Variants in GALNT1 observed in about 807,000 individuals in gnomAD.
GALNT1 encodes GalNAc transferase 1.
Under a neutral mutation model 65.7 loss-of-function variants are expected in GALNT1, and 17 were observed. The observed-to-expected ratio is 0.26, with a 90% CI of 0.18 to 0.39. GALNT1 has a LOEUF of 0.39. Among genes scored for constraint, GALNT1 ranks in the 10% least tolerant of loss-of-function variants. The pLI is 1.00. For missense variants in GALNT1, 460 were observed against 672.8 expected (o/e 0.68, Z 3.50); for synonymous variants, 210 against 219.7 (o/e 0.96, Z 0.39).
intron 3 of GALNT1, among the ~76,000 whole-genome samples, chr18:35,671,783 G>T (rs2047640096): frequency 6.6e-6 from 1 of 152,070 alleles, no homozygotes; most frequent in Middle Eastern, 3.2e-3. Flanking sequence ...TATTGTAATT[G>T]TCAAGGTGTA....
rs201020722 is a variant in GALNT1, at chr18:35,660,376, CT to C, written c.140-3248del. Among the ~76,000 whole-genome samples the C allele has an allele frequency of 6.0e-3, 913 of 152,070 alleles. 3 individuals are homozygous for C. The highest frequency in any genetic ancestry group is 0.01 in the Non-Finnish European group (699 of 67,912). On this transcript the variant is annotated intron_variant, in intron 2 of 11. Transcript: ENST00000269195. Reference sequence around the variant, plus strand: ...AACCTGTAGTTTTCTTGGTAATTACCTTTTCTAAAACATGATACTTATCTAC... The same window carrying C: ...AACCTGTAGTTTTCTTGGTAATTACCTTTCTAAAACATGATACTTATCTAC...
intron 1 of GALNT1, among the ~76,000 whole-genome samples, chr18:35,586,949 A>C (rs994130654): frequency 1.3e-5 from 2 of 152,096 alleles, no homozygotes; most frequent in African/African-American, 4.8e-5. Context: ...TGTATGTTGC[A>C]TTTTTCAATC....
At chr18:35,581,081 C>A (rs2046305948), upstream of GALNT1, 4 of 152,116 alleles carry the variant, frequency 2.6e-5, no homozygotes, top group Admixed American at 2.6e-4. Flanking sequence ...TGACAGCGCT[C>A]CAGCTCCCGC....
intron 4 of GALNT1, among the ~76,000 whole-genome samples, chr18:35,679,073 A>G (rs1369861960): frequency 6.6e-6 from 1 of 152,202 alleles, no homozygotes; most frequent in African/African-American, 2.4e-5. Flanking sequence ...GTCAGAAGGA[A>G]TGAGAGCAGT....
At chr18:35,627,146 C>A (rs2046928963) in intron 1 of GALNT1, among the ~76,000 whole-genome samples, 1 of 152,312 alleles carries the variant, frequency 6.6e-6, no homozygotes, top group Middle Eastern at 3.4e-3. Flanking sequence ...AAGTTAAGAT[C>A]CTCACAGTTT....
chr18:35,581,346 C>T (rs1258109914), upstream of GALNT1: 1 of 150,886 alleles, frequency 6.6e-6, no homozygotes, highest in Non-Finnish European at 1.5e-5. Flanking sequence ...CCGGGAGGGG[C>T]GCCGCGCCCG....
intron 1 of GALNT1, among the ~76,000 whole-genome samples, chr18:35,637,518 A>G (rs958276196): frequency 3.3e-5 from 5 of 152,242 alleles, no homozygotes; most frequent in African/African-American, 7.2e-5. Flanking sequence ...CGTCAATGCT[A>G]TGAAGGCTGA....
chr18:35,647,655 A>G (rs908006946), intron 1 of GALNT1, among the ~76,000 whole-genome samples: 2 of 152,160 alleles, frequency 1.3e-5, no homozygotes, highest in African/African-American at 4.8e-5. Flanking sequence ...AGTATGATGT[A>G]AAACTAGTGA....
At chr18:35,632,171 A>C (rs1409820687) in intron 1 of GALNT1, among the ~76,000 whole-genome samples, 1 of 152,196 alleles carries the variant, frequency 6.6e-6, no homozygotes, top group Non-Finnish European at 1.5e-5. Flanking sequence ...GCTACCAATG[A>C]CTTTCTTCAC....
chr18:35,598,182 C>T (rs1041401749), intron 1 of GALNT1, among the ~76,000 whole-genome samples: 5 of 151,412 alleles, frequency 3.3e-5, no homozygotes, highest in African/African-American at 9.7e-5. Context: ...ATTACAGTGC[C>T]CACCACCACC....
At chr18:35,640,974 T>C (rs1339692183) in intron 1 of GALNT1, among the ~76,000 whole-genome samples, 1 of 152,132 alleles carries the variant, frequency 6.6e-6, no homozygotes, top group Non-Finnish European at 1.5e-5. Flanking sequence ...ACATAGAAAA[T>C]ATGAACCGTA....
chr18:35,698,872 A>G (rs746979846), intron 9 of GALNT1, among the ~76,000 whole-genome samples: 26 of 152,106 alleles, frequency 1.7e-4, no homozygotes, highest in Non-Finnish European at 2.5e-4. Flanking sequence ...AATCCCAGCT[A>G]CTTGGGAGGC....
At chr18:35,666,195 TA>T (rs1397909542) in intron 3 of GALNT1, among the ~76,000 whole-genome samples, 1 of 152,168 alleles carries the variant, frequency 6.6e-6, no homozygotes, top group East Asian at 1.9e-4. Context: ...GGGAAAACTT[TA>T]AAAAAATTGT....
intron 1 of GALNT1, among the ~76,000 whole-genome samples, chr18:35,650,421 A>G (rs1474249776): frequency 6.6e-6 from 1 of 152,196 alleles, no homozygotes; most frequent in Non-Finnish European, 1.5e-5. Context: ...TTTTGGGCAC[A>G]CATTGTCATT....
chr18:35,622,831 TG>T (rs778650051), intron 1 of GALNT1, among the ~76,000 whole-genome samples: 2 of 152,178 alleles, frequency 1.3e-5, no homozygotes, highest in African/African-American at 4.8e-5. Context: ...GTAAGTGAGT[TG>T]TTTTTTTAAC....
intron 11 of GALNT1, among the ~76,000 whole-genome samples, chr18:35,707,585 G>C (rs1370841678): frequency 6.6e-6 from 1 of 152,246 alleles, no homozygotes. Context: ...ATGTCGAATA[G>C]TTAAATACTC....
intron 1 of GALNT1, among the ~76,000 whole-genome samples, chr18:35,635,192 C>G (rs2047073065): frequency 6.6e-6 from 1 of 152,104 alleles, no homozygotes; most frequent in South Asian, 2.1e-4. Flanking sequence ...GTGAGAATCA[C>G]AGGGACATGC....
chr18:35,694,628 T>TA (rs2048024520), intron 9 of GALNT1, among the ~76,000 whole-genome samples: 1 of 152,250 alleles, frequency 6.6e-6, no homozygotes, highest in African/African-American at 2.4e-5. Flanking sequence ...TACTTTTACT[T>TA]ACATGTTTAT....
chr18:35,696,845 C>T (rs1360394469), intron 9 of GALNT1, among the ~76,000 whole-genome samples: 1 of 152,182 alleles, frequency 6.6e-6, no homozygotes, highest in Non-Finnish European at 1.5e-5. Flanking sequence ...ATTTCCCTTG[C>T]AGCAGAGAGT....
Sources: allele counts gnomAD v4.1 joint callset (sites outside exome capture counted in the v4.1 genomes callset), GRCh38; gene constraint gnomAD v4.1.1; transcripts MANE v1.5; gene names NCBI Gene and HGNC (gene_info 2026-07-23, HGNC 2026-07-21).